ALDH1A2: variants seen among roughly 807,000 people sequenced by gnomAD.
The protein encoded by ALDH1A2 is retinal dehydrogenase 2.
A neutral mutation model predicts 60.3 loss-of-function variants in ALDH1A2; 27 were observed. The observed-to-expected ratio is 0.45, with a 90% confidence interval of 0.33 to 0.62. ALDH1A2 has a LOEUF of 0.62. ALDH1A2 is among the 20% of genes least tolerant of loss of function. The pLI is 0.02. For missense variants in ALDH1A2, 581 were observed against 643.8 expected, an observed-to-expected ratio of 0.90 and a Z score of 1.06; for synonymous variants, 289 against 232.4, an observed-to-expected ratio of 1.24 and a Z score of -2.21.
At chr15:57,980,970 T>C (rs1453339075) in intron 7 of ALDH1A2, among the ~76,000 whole-genome samples, 7 of 152,226 alleles carry the variant, frequency 4.6e-5, no homozygotes, top group Admixed American at 1.3e-4. Flanking sequence ...TCAGAGCCTA[T>C]TGTTGGTCTG....
At chr15:58,041,833 C>T (rs2704186) in intron 1 of ALDH1A2, among the ~76,000 whole-genome samples, 3 of 151,932 alleles carry the variant, frequency 2.0e-5, no homozygotes, top group Non-Finnish European at 4.4e-5. Flanking sequence ...CTATGTTTTT[C>T]TCCTATACAT....
intron 1 of ALDH1A2, among the ~76,000 whole-genome samples, chr15:58,023,100 A>G (rs1895978008): frequency 6.6e-6 from 1 of 152,230 alleles, no homozygotes; most frequent in Non-Finnish European, 1.5e-5. Flanking sequence ...AATCAGAAAA[A>G]TAATTCAGGA....
At chr15:57,992,231 C>T (rs1479196665) in intron 7 of ALDH1A2, among the ~76,000 whole-genome samples, 1 of 152,154 alleles carries the variant, frequency 6.6e-6, no homozygotes, top group Non-Finnish European at 1.5e-5. Flanking sequence ...CCAAAATTTA[C>T]ATTTACTATC....
At chr15:57,964,268 T>G in intron 8 of ALDH1A2, 199 bp from the exon 9 acceptor site, 1 of 596,192 alleles carries the variant, frequency 1.7e-6, no homozygotes, top group Non-Finnish European at 3.0e-6. Flanking sequence ...CTTCACTTCT[T>G]TGGGTCTCTT....
chr15:58,051,718 C>T (rs932625265), intron 1 of ALDH1A2, among the ~76,000 whole-genome samples: 9 of 152,252 alleles, frequency 5.9e-5, no homozygotes, highest in Admixed American at 3.9e-4. Flanking sequence ...TACCTTCCTA[C>T]GTTTGATCTC....
At chr15:57,970,266 G>A (rs1894020041) in intron 7 of ALDH1A2, among the ~76,000 whole-genome samples, 1 of 152,194 alleles carries the variant, frequency 6.6e-6, no homozygotes, top group Admixed American at 6.5e-5. Flanking sequence ...TTCCTATCAT[G>A]CAGTTCCTTA....
chr15:58,002,759 C>A (rs1895317025), intron 4 of ALDH1A2, among the ~76,000 whole-genome samples: 1 of 151,894 alleles, frequency 6.6e-6, no homozygotes, highest in South Asian at 2.1e-4. Context: ...TGAAGGTCAT[C>A]TTCCAATCCC....
chr15:58,037,843 T>C (rs372886293), intron 1 of ALDH1A2, among the ~76,000 whole-genome samples: 20 of 151,830 alleles, frequency 1.3e-4, no homozygotes, highest in African/African-American at 4.1e-4. Context: ...CAGTCTTTGA[T>C]CCACCTAGAC....
At chr15:57,982,583 A>G (rs780326136) in intron 7 of ALDH1A2, among the ~76,000 whole-genome samples, 1 of 152,198 alleles carries the variant, frequency 6.6e-6, no homozygotes, top group Admixed American at 6.5e-5. Context: ...TAAAAATCCT[A>G]AAGTAACGTT....
chr15:57,966,005 G>A (rs1893885133), intron 7 of ALDH1A2, among the ~76,000 whole-genome samples, 178 bp from the exon 8 acceptor site: 1 of 152,190 alleles, frequency 6.6e-6, no homozygotes, highest in Admixed American at 6.5e-5. Context: ...ACAGTTTAAT[G>A]TCCATGCTGG....
intron 7 of ALDH1A2, among the ~76,000 whole-genome samples, chr15:57,966,866 C>G (rs1320332331): frequency 4.6e-5 from 7 of 152,190 alleles, no homozygotes; most frequent in African/African-American, 1.7e-4. Context: ...CGTGAATGCT[C>G]CCTGGGAACC....
At chr15:58,015,665 C>A (rs917312371) in intron 1 of ALDH1A2, among the ~76,000 whole-genome samples, 6 of 152,210 alleles carry the variant, frequency 3.9e-5, no homozygotes, top group South Asian at 2.1e-4. Flanking sequence ...TTAGTACTTA[C>A]AATAACCCCG....
intron 8 of ALDH1A2, chr15:57,964,779 G>A (rs1284835191): frequency 6.6e-6 from 1 of 152,244 alleles, no homozygotes; most frequent in Non-Finnish European, 1.5e-5. Context: ...TGCATTAGTT[G>A]CTAAATGACC....
rs542538543 is a variant in ALDH1A2 at position 58,028,710 on chromosome 15, C to T, written c.118-14429G>A. Reference sequence around the variant, plus strand: ...AAATAAAGGGATGGAGGAATATCTACCAAGCAAATGGAAAGCAAAAACAAA... The same window carrying T: ...AAATAAAGGGATGGAGGAATATCTATCAAGCAAATGGAAAGCAAAAACAAA... On this transcript the variant is annotated intron_variant, in intron 1 of 12. Transcript: ENST00000249750. 1.2e-4 allele frequency among the ~76,000 whole-genome samples: 19 copies of T among 152,144 alleles called. No individual in the cohort carries two copies. In the South Asian group the frequency reaches 3.7e-3, roughly 30 times the overall value.
chr15:57,993,119 C>A, intron 5 of ALDH1A2, 46 bp from the exon 6 acceptor site: 1 of 1,604,858 alleles, frequency 6.2e-7, no homozygotes, highest in Non-Finnish European at 8.5e-7. Context: ...AACATTCTTC[C>A]ACTACTTTGT....
chr15:57,971,806 C>G (rs1448398038), intron 7 of ALDH1A2, among the ~76,000 whole-genome samples: 1 of 152,176 alleles, frequency 6.6e-6, no homozygotes, highest in Non-Finnish European at 1.5e-5. Context: ...CTCACTGCAT[C>G]CTTCAACTCC....
At chr15:58,006,213 C>T (rs1031193243) in intron 4 of ALDH1A2, among the ~76,000 whole-genome samples, 63 of 151,958 alleles carry the variant, frequency 4.1e-4, no homozygotes, top group African/African-American at 1.2e-3. Flanking sequence ...AACAGTCTTA[C>T]GCCTTTGCAT....
At position 57,961,134 on chromosome 15, in the gene ALDH1A2, T is replaced by C. The variant is rs755023764; in HGVS notation, c.1409+3A>G. The C allele has an allele frequency of 5.0e-6, 8 of 1,614,038 alleles. No homozygotes were observed. The Admixed American group carries it at 1.3e-4, about 27-fold the overall frequency. On this transcript the variant is annotated splice_donor_region_variant and intron_variant, in intron 11 of 12. Coordinates refer to ENST00000249750, the MANE Select transcript of ALDH1A2 (RefSeq NM_003888.4). ...TTTGTTACAAGACTGACTCTGATCT[T>C]ACCAAACAGTCCCAGCTTGCATTGC... is the stretch of plus-strand genomic sequence containing the variant.
intron 5 of ALDH1A2, among the ~76,000 whole-genome samples, chr15:57,993,952 C>T (rs1894972114): frequency 2.0e-5 from 3 of 152,214 alleles, no homozygotes; most frequent in Admixed American, 2.0e-4. Context: ...TCACCAAACA[C>T]CCAATTTCTT....
Sources: gnomAD v4.1 joint callset for allele counts (sites outside exome capture counted in the v4.1 genomes callset) on GRCh38, gnomAD v4.1.1 for gene constraint, MANE v1.5 for transcripts, NCBI Gene and HGNC (gene_info 2026-07-23, HGNC 2026-07-21) for gene names.